Variants in CNTNAP2 observed in about 807,000 individuals in gnomAD.
The protein encoded by CNTNAP2 is contactin associated protein 2, also known as contactin-associated protein-like 2.
CNTNAP2 carries 98 observed loss-of-function variants against 155.2 expected under a neutral mutation model. The ratio of observed to expected loss-of-function variants is 0.63; its 90% CI spans 0.54 to 0.75. The LOEUF is 0.75. Among genes scored for constraint, CNTNAP2 ranks in the 30% least tolerant of loss-of-function variants. The probability of loss-of-function intolerance (pLI) is 0.00; values close to 1 mark genes in which losing one functional copy is unlikely to be tolerated. For missense variants in CNTNAP2, 1,727 were observed against 1,688.1 expected (o/e 1.02, Z -0.40); for synonymous variants, 651 against 631.2 (o/e 1.03, Z -0.47).
At chr7:146,573,155 A>AT (rs1470878767) in intron 1 of CNTNAP2, among the ~76,000 whole-genome samples, 33 of 151,856 alleles carry the variant, frequency 2.2e-4, no homozygotes, top group Non-Finnish European at 1.5e-5. Flanking sequence ...GGTCCTTTTT[A>AT]TTTTTTGAGA....
chr7:148,219,820 C>A (rs573121205), intron 19 of CNTNAP2, among the ~76,000 whole-genome samples: 1 of 152,096 alleles, frequency 6.6e-6, no homozygotes, highest in South Asian at 2.1e-4. Flanking sequence ...CACTGTACTC[C>A]AGCCTGTATA....
At chr7:146,352,393 A>C (rs958619366) in intron 1 of CNTNAP2, among the ~76,000 whole-genome samples, 3 of 152,194 alleles carry the variant, frequency 2.0e-5, no homozygotes, top group East Asian at 3.9e-4. Context: ...CTATTTATTG[A>C]ATAGTCATCT....
At chr7:147,760,580 C>G (rs904624159) in intron 13 of CNTNAP2, among the ~76,000 whole-genome samples, 2 of 152,172 alleles carry the variant, frequency 1.3e-5, no homozygotes, top group African/African-American at 4.8e-5. Context: ...AGTTTTACAA[C>G]TGTTTCAGTT....
rs6464819 is a variant in CNTNAP2 at position 147,547,957 on chromosome 7, T to G, written c.1778-14181T>G. 3.7e-3 allele frequency among the ~76,000 whole-genome samples: 561 copies of G among 152,316 alleles called. 7 individuals carry two copies. The highest frequency in any genetic ancestry group is 0.013 in the African/African-American group (526 of 41,578). On this transcript the variant is annotated intron_variant, in intron 11 of 23. Transcript: ENST00000361727. ...ATAATCTCATTCCTTTTTATGGCTG[T>G]GTAGTATTCCATGGTGTATAGTGCC...
chr7:146,550,789 A>G (rs1350227584), intron 1 of CNTNAP2, among the ~76,000 whole-genome samples: 1 of 152,048 alleles, frequency 6.6e-6, no homozygotes, highest in Non-Finnish European at 1.5e-5. Context: ...TAAATAAGCT[A>G]ATTAATAAGA....
At chr7:148,244,861 C>T (rs1231308973) in intron 20 of CNTNAP2, among the ~76,000 whole-genome samples, 1 of 148,212 alleles carries the variant, frequency 6.7e-6, no homozygotes, top group African/African-American at 2.4e-5. Flanking sequence ...CCATGCCAGG[C>T]TGTTGCCTTT....
At chr7:148,106,968 T>C (rs1432976372) in intron 15 of CNTNAP2, among the ~76,000 whole-genome samples, 15 of 152,060 alleles carry the variant, frequency 9.9e-5, no homozygotes, top group Non-Finnish European at 4.4e-5. Context: ...TGAGCCCCGG[T>C]AGACCTAGGA....
intron 2 of CNTNAP2, among the ~76,000 whole-genome samples, chr7:146,776,281 G>A (rs1397785746): frequency 5.9e-5 from 9 of 152,192 alleles, no homozygotes; most frequent in Admixed American, 5.9e-4. Flanking sequence ...AGGAATGGAA[G>A]CAGAGTCAGA....
At chr7:147,043,847 A>T in intron 3 of CNTNAP2, 60 bp from the exon 4 acceptor site, 1 of 1,589,262 alleles carries the variant, frequency 6.3e-7, no homozygotes, top group Non-Finnish European at 8.6e-7. Context: ...TAGTAGACAG[A>T]GGACATGATT....
chr7:146,779,879 A>G (rs533806953), intron 2 of CNTNAP2, among the ~76,000 whole-genome samples: 9 of 152,326 alleles, frequency 5.9e-5, no homozygotes, highest in Admixed American at 5.2e-4. Flanking sequence ...ATCACTTATC[A>G]AAGGAGTATG....
At chr7:147,600,389 T>C (rs1800920999) in intron 12 of CNTNAP2, among the ~76,000 whole-genome samples, 1 of 152,232 alleles carries the variant, frequency 6.6e-6, no homozygotes, top group African/African-American at 2.4e-5. Context: ...CTACCACAAC[T>C]ATTCAACTCT....
At chr7:148,263,451 A>G (rs2116834837) in intron 20 of CNTNAP2, among the ~76,000 whole-genome samples, 1 of 152,170 alleles carries the variant, frequency 6.6e-6, no homozygotes, top group South Asian at 2.1e-4. Flanking sequence ...CAAAATATAT[A>G]AAAGTGGCCG....
At chr7:147,138,637 T>A (rs1408597383) in intron 8 of CNTNAP2, among the ~76,000 whole-genome samples, 2 of 151,750 alleles carry the variant, frequency 1.3e-5, no homozygotes, top group Non-Finnish European at 2.9e-5. Flanking sequence ...TAGTGCAGAA[T>A]GAAAGGAAAA....
intron 16 of CNTNAP2, among the ~76,000 whole-genome samples, chr7:148,141,932 A>AGACTAAGAG: frequency 6.6e-6 from 1 of 152,334 alleles, no homozygotes; most frequent in East Asian, 1.9e-4. Context: ...AATTAGAGGA[A>AGACTAAGAG]GACTAAGAGG....
chr7:146,758,986 CCAAT>C (rs1452228572), intron 1 of CNTNAP2, among the ~76,000 whole-genome samples: 3 of 152,144 alleles, frequency 2.0e-5, no homozygotes, highest in African/African-American at 7.2e-5. Flanking sequence ...GCAAAATGAT[CCAAT>C]CAATTTTCTT....
At chr7:146,853,453 C>G (rs1156234010) in intron 3 of CNTNAP2, among the ~76,000 whole-genome samples, 1 of 152,180 alleles carries the variant, frequency 6.6e-6, no homozygotes, top group African/African-American at 2.4e-5. Context: ...CAAATAATAT[C>G]AAACCTATGG....
At chr7:146,736,704 A>G (rs1042123930) in intron 1 of CNTNAP2, among the ~76,000 whole-genome samples, 1 of 152,208 alleles carries the variant, frequency 6.6e-6, no homozygotes, top group East Asian at 1.9e-4. Flanking sequence ...TTGCGGGTCT[A>G]CGGATGATGC....
intron 21 of CNTNAP2, among the ~76,000 whole-genome samples, chr7:148,365,024 C>T (rs546092612): frequency 5.9e-5 from 9 of 152,300 alleles, no homozygotes; most frequent in East Asian, 3.9e-4. Context: ...ACTCCAGACG[C>T]GCCACCTTAA....
rs1351974891 is a variant in CNTNAP2, at chr7:146,618,673, A to G, written c.98-155598A>G. 3.3e-5 allele frequency among the ~76,000 whole-genome samples: 5 copies of G among 152,298 alleles called. No individual in the cohort carries two copies. The South Asian group carries it at 1.0e-3, about 32-fold the overall frequency. On this transcript the variant is annotated intron_variant, in intron 1 of 23. Transcript: ENST00000361727. ...ATGTTAGTTCATTTAATGAGTATAT[A>G]TATTTGACTTTAATCTTGTTTTGTT...
Sources: allele counts gnomAD v4.1 joint callset (sites outside exome capture counted in the v4.1 genomes callset), GRCh38; gene constraint gnomAD v4.1.1; transcripts MANE v1.5; gene names NCBI Gene and HGNC (gene_info 2026-07-23, HGNC 2026-07-21).